INPP4A: variants seen among roughly 807,000 people sequenced by gnomAD.
INPP4A encodes inositol polyphosphate-4-phosphatase type I A.
A neutral mutation model predicts 119.8 loss-of-function variants in INPP4A; 33 were observed. The observed-to-expected ratio is 0.28, with a 90% CI of 0.21 to 0.37. INPP4A has a LOEUF of 0.37. INPP4A is among the 10% of genes least tolerant of loss of function. The pLI is 1.00. For missense variants in INPP4A, 956 were observed against 1,289.9 expected, an observed-to-expected ratio of 0.74 and a Z score of 3.97; for synonymous variants, 496 against 500.7, an observed-to-expected ratio of 0.99 and a Z score of 0.12.
chr2:98,574,354 G>A (rs751057411), intron 23 of INPP4A, among the ~76,000 whole-genome samples: 20 of 152,088 alleles, frequency 1.3e-4, no homozygotes, highest in Non-Finnish European at 2.6e-4. Flanking sequence ...AATACAGAGG[G>A]TGGCCGGGCT....
At chr2:98,451,717 T>C (rs572307226) in intron 1 of INPP4A, among the ~76,000 whole-genome samples, 1 of 152,296 alleles carries the variant, frequency 6.6e-6, no homozygotes. Flanking sequence ...TCTTTCCCTC[T>C]CTCATGTTGC....
intron 15 of INPP4A, among the ~76,000 whole-genome samples, chr2:98,555,212 G>T (rs1249461028): frequency 6.6e-6 from 1 of 152,152 alleles, no homozygotes; most frequent in Non-Finnish European, 1.5e-5. Flanking sequence ...TTTTGTCTGT[G>T]TGTGATGATT....
chr2:98,531,114 G>A (rs1246040921), intron 4 of INPP4A, among the ~76,000 whole-genome samples: 1 of 152,124 alleles, frequency 6.6e-6, no homozygotes, highest in Non-Finnish European at 1.5e-5. Flanking sequence ...CCTCTGAAAG[G>A]CCCCACCCCT....
intron 13 of INPP4A, among the ~76,000 whole-genome samples, chr2:98,550,452 C>T (rs773901650): frequency 3.3e-5 from 5 of 152,188 alleles, no homozygotes; most frequent in Admixed American, 1.3e-4. Flanking sequence ...AGTTCCTGGC[C>T]AGGGCCACAA....
Position 98,551,419 on chromosome 2 carries a change from G to A in INPP4A, c.1164-1367G>A, listed in dbSNP as rs185349619. On this transcript the variant is annotated intron_variant, in intron 13 of 24. Transcript: ENST00000409851. ...GAGCTTGAGTGCGGTCTGCTGCATG[G>A]GCTTCTGGCACATCCATTGTTTTTT... 3.3e-5 allele frequency among the ~76,000 whole-genome samples: 5 copies of A among 152,286 alleles called. No individual in the cohort carries two copies. The East Asian group carries it at 9.6e-4, about 29-fold the overall frequency.
rs116059955 is a variant in INPP4A, at chr2:98,517,606, A to G, written c.-165-1358A>G. Among the ~76,000 whole-genome samples, 1,061 of 152,286 alleles carry G rather than the reference A, an allele frequency of 7.0e-3. 10 individuals carry two copies. Among genetic ancestry groups the G allele is most frequent in the African/African-American group, 0.022 (928 of 41,556 alleles). On this transcript the variant is annotated intron_variant, in intron 1 of 24. Transcript: ENST00000409851. ...ATTTCCCTGATGACTAATGGGGTTG[A>G]AGAACTTCTCCTGTGTCTGTTGGCT...
intron 1 of INPP4A, among the ~76,000 whole-genome samples, chr2:98,516,107 G>A (rs947953428): frequency 1.3e-5 from 2 of 152,096 alleles, no homozygotes. Flanking sequence ...ATGAACTCTG[G>A]TCTTCAAATG....
At chr2:98,575,508 C>T (rs1698266093) in intron 23 of INPP4A, among the ~76,000 whole-genome samples, 1 of 152,194 alleles carries the variant, frequency 6.6e-6, no homozygotes, top group Admixed American at 6.5e-5. Context: ...AGCTTAGGGT[C>T]TGCTTATCTG....
chr2:98,565,960 C>T, intron 20 of INPP4A, 69 bp from the exon 21 acceptor site: 1 of 1,544,896 alleles, frequency 6.5e-7, no homozygotes, highest in Non-Finnish European at 8.8e-7. Context: ...GAGGGCCAGC[C>T]TGGGCACTGC....
At chr2:98,540,721 C>T (rs1022678430) in intron 10 of INPP4A, among the ~76,000 whole-genome samples, 2 of 152,196 alleles carry the variant, frequency 1.3e-5, no homozygotes, top group Admixed American at 6.5e-5. Context: ...TTATAACAAA[C>T]CCACTGTTGT....
intron 17 of INPP4A, among the ~76,000 whole-genome samples, chr2:98,562,168 A>C (rs1255339205): frequency 6.6e-6 from 1 of 152,174 alleles, no homozygotes; most frequent in East Asian, 1.9e-4. Context: ...GGACTTGCTA[A>C]ATTTAAGCCT....
chr2:98,558,616 G>A (rs984360277), intron 16 of INPP4A, among the ~76,000 whole-genome samples: 1 of 152,152 alleles, frequency 6.6e-6, no homozygotes, highest in African/African-American at 2.4e-5. Flanking sequence ...TTGGGGATCC[G>A]AGACCACCTC....
chr2:98,543,377 G>A (rs1036896256), intron 10 of INPP4A, among the ~76,000 whole-genome samples: 4 of 152,198 alleles, frequency 2.6e-5, no homozygotes, highest in Non-Finnish European at 5.9e-5. Context: ...GGAGAACCTG[G>A]GAGGCAATGA....
intron 1 of INPP4A, among the ~76,000 whole-genome samples, chr2:98,496,135 G>A (rs1198429570): frequency 6.6e-6 from 1 of 152,036 alleles, no homozygotes; most frequent in Non-Finnish European, 1.5e-5. Context: ...AAATTTCAAA[G>A]GGAGGAGGGT....
At chr2:98,527,069 A>G (rs894734791) in intron 4 of INPP4A, among the ~76,000 whole-genome samples, 8 of 152,214 alleles carry the variant, frequency 5.3e-5, no homozygotes, top group African/African-American at 1.2e-4. Flanking sequence ...TCCAAATCAT[A>G]TCAAATGGGT....
chr2:98,545,945 A>G (rs1258093344), intron 11 of INPP4A, 24 bp from the exon 12 acceptor site: 6 of 1,453,138 alleles, frequency 4.1e-6, no homozygotes, highest in Non-Finnish European at 5.7e-6. Flanking sequence ...GATGGCCTTT[A>G]TCTTCTCCTA....
intron 5 of INPP4A, 99 bp downstream of exon 5, chr2:98,533,594 G>A: frequency 1.4e-6 from 1 of 732,466 alleles, no homozygotes; most frequent in Non-Finnish European, 2.4e-6. Context: ...AGCTGAAGCT[G>A]TATTTACGTG....
chr2:98,544,574 T>C (rs1692133615), intron 11 of INPP4A, among the ~76,000 whole-genome samples: 1 of 152,250 alleles, frequency 6.6e-6, no homozygotes, highest in Admixed American at 6.5e-5. Flanking sequence ...CATTTGATTT[T>C]CAAAACACTC....
chr2:98,555,345 CA>C lies in INPP4A; in HGVS notation c.1567-206del, dbSNP rs566523089. 9.8e-5 allele frequency among the ~76,000 whole-genome samples: 15 copies of C among 152,364 alleles called. No individual in the cohort carries two copies. In the South Asian group the frequency reaches 3.1e-3, roughly 32 times the overall value. On this transcript the variant is annotated intron_variant, in intron 15 of 24. Transcript: ENST00000409851. ...GCAAACATCTCCCAAACTCTAAAAACAATGGCCGCAGGACATCGATTCATCG... is the reference window on the plus strand; with the variant it reads ...GCAAACATCTCCCAAACTCTAAAAACATGGCCGCAGGACATCGATTCATCG...
Sources: allele counts gnomAD v4.1 joint callset (sites outside exome capture counted in the v4.1 genomes callset), GRCh38; gene constraint gnomAD v4.1.1; transcripts MANE v1.5; gene names NCBI Gene and HGNC (gene_info 2026-07-23, HGNC 2026-07-21).